Variants in AIFM2 observed in about 807,000 individuals in gnomAD.
The protein encoded by AIFM2 is ferroptosis suppressor protein 1.
A neutral mutation model predicts 35.7 loss-of-function variants in AIFM2; 38 were observed. That is an observed-to-expected ratio of 1.06 (90% CI 0.82 to 1.39). The LOEUF (loss-of-function observed/expected upper bound fraction) is 1.39. Among genes scored for constraint, AIFM2 ranks in the 40% most tolerant of loss-of-function variants. The probability of loss-of-function intolerance (pLI) is 0.00; values close to 1 mark genes in which losing one functional copy is unlikely to be tolerated. For missense variants in AIFM2, 476 were observed against 491.2 expected, an observed-to-expected ratio of 0.97 and a Z score of 0.29; for synonymous variants, 185 against 203.5, an observed-to-expected ratio of 0.91 and a Z score of 0.77.
At chr10:70,115,552 A>G (rs2072426808) in intron 7 of AIFM2, among the ~76,000 whole-genome samples, 1 of 152,260 alleles carries the variant, frequency 6.6e-6, no homozygotes, top group African/African-American at 2.4e-5. Flanking sequence ...AGATCACTTG[A>G]GGCCAGGAGC....
Position 70,113,987 on chromosome 10 carries a change from A to G in AIFM2, c.*191T>C, listed in dbSNP as rs2072404524. 1 of 693,556 alleles carries G rather than the reference A, an allele frequency of 1.4e-6. No homozygotes were observed. The highest frequency in any genetic ancestry group is 1.8e-5 in the African/African-American group (1 of 55,142). The allele number at this position is 693,556 out of a possible 1,614,324, so 43.0% of individuals were successfully genotyped here. A position where few individuals can be genotyped will look rare whatever the true frequency, so the allele number is the denominator to read the frequency against. Reference sequence around the variant, plus strand: ...CTTCCAAACCCAGAAAGTATCCTCTAAGGGGGGTATTTGTTTAATACCTCT... The same window carrying G: ...CTTCCAAACCCAGAAAGTATCCTCTGAGGGGGGTATTTGTTTAATACCTCT... On this transcript the variant is annotated 3_prime_UTR_variant, in exon 9 of 9. Coordinates refer to ENST00000307864, the MANE Select transcript of AIFM2 (RefSeq NM_032797.6).
At chr10:70,120,156 A>G (rs1431735467) in intron 5 of AIFM2, among the ~76,000 whole-genome samples, 1 of 152,260 alleles carries the variant, frequency 6.6e-6, no homozygotes, top group African/African-American at 2.4e-5. Flanking sequence ...AGAGGTAATC[A>G]AATATACATT....
Position 70,125,582 on chromosome 10 carries a change from C to T in AIFM2, c.-13-1485G>A, listed in dbSNP as rs1334654404. 3.3e-5 allele frequency among the ~76,000 whole-genome samples: 5 copies of T among 151,806 alleles called. No individual in the cohort carries two copies. The East Asian group carries it at 7.7e-4, about 24-fold the overall frequency. On this transcript the variant is annotated intron_variant, in intron 1 of 8. Transcript: ENST00000307864. Reference sequence around the variant, plus strand: ...GCAGTGAGCCGTAACTATGCCACTGCACACCAGCCTGGGCCACAGAGTGAG... The same window carrying T: ...GCAGTGAGCCGTAACTATGCCACTGTACACCAGCCTGGGCCACAGAGTGAG...
intron 7 of AIFM2, among the ~76,000 whole-genome samples, chr10:70,116,414 G>A (rs2072436273): frequency 6.6e-6 from 1 of 152,180 alleles, no homozygotes; most frequent in Non-Finnish European, 1.5e-5. Context: ...GAAGATTCTG[G>A]TCACCTTGGC....
intron 3 of AIFM2, 52 bp from the exon 4 acceptor site, chr10:70,121,263 G>C: frequency 6.8e-7 from 1 of 1,463,490 alleles, no homozygotes; most frequent in Non-Finnish European, 8.9e-7. Flanking sequence ...GATGAGGGTA[G>C]GGCAGGGCAG....
rs2072492195 is a variant in AIFM2 at position 70,120,765 on chromosome 10, G to A, written c.415-166C>T. 1.3e-5 allele frequency among the ~76,000 whole-genome samples: 2 copies of A among 152,204 alleles called. 1 individual carries two copies. Among genetic ancestry groups the A allele is most frequent in the South Asian group, 4.1e-4 (2 of 4,828 alleles). ...TTCCTCCCACCCACCTCGCAGAATT[G>A]CTGTGGAAGATTGTGGATCTAAGCC... On this transcript the variant is annotated intron_variant, in intron 4 of 8. Transcript: ENST00000307864.
intron 5 of AIFM2, among the ~76,000 whole-genome samples, chr10:70,119,178 A>G (rs1269219204): frequency 6.6e-6 from 1 of 152,220 alleles, no homozygotes; most frequent in Non-Finnish European, 1.5e-5. Context: ...ACCACGCCCT[A>G]TGTGCCCCTT....
In AIFM2 at chr10:70,117,860, G is replaced by C. The variant is rs1374032033; in HGVS notation, c.568C>G (p.Gln190Glu). 2 of 1,605,644 alleles carry C rather than the reference G, an allele frequency of 1.2e-6. No homozygotes were observed. The highest frequency in any genetic ancestry group is 1.7e-6 in the Non-Finnish European group (2 of 1,176,944). ...CGGAGGAGGATCTCCTTCACTTCCT[G>C]CCGGACGGAGGGCAGGAGCTCCTTG... ...ADKELLPSVRQEVKEILLRKG... is the reference protein window; with the variant it reads ...ADKELLPSVREEVKEILLRKG... The change falls in exon 6 of 9, where the codon CAG becomes GAG. Residue 190 changes from glutamine (Q) to glutamate (E), a missense_variant. Gln to Glu is a conservative substitution (Grantham distance 29). Coordinates refer to ENST00000307864, the MANE Select transcript of AIFM2 (RefSeq NM_032797.6). The surrounding 1 kb of genome is among the most constrained non-coding windows in gnomAD (Gnocchi z 4.7).
rs753568095 is a variant in AIFM2 at position 70,117,249 on chromosome 10, C to T, written c.617-475G>A. 4.6e-5 allele frequency among the ~76,000 whole-genome samples: 7 copies of T among 152,210 alleles called. No individual in the cohort carries two copies. The highest frequency in any genetic ancestry group is 1.0e-4 in the Non-Finnish European group (7 of 68,036). On this transcript the variant is annotated intron_variant, in intron 6 of 8. Transcript: ENST00000307864. This position sits in a 1 kb window ranked among gnomAD's most constrained non-coding sequence, Gnocchi z 4.7. Reference sequence around the variant, plus strand: ...CCAAAAGGAGGCTGAGGCAGCCATGCGGGCCCTTCACAGGACAGGTGCCTC... The same window carrying T: ...CCAAAAGGAGGCTGAGGCAGCCATGTGGGCCCTTCACAGGACAGGTGCCTC...
chr10:70,129,889 T>A (rs554051519), intron 1 of AIFM2, among the ~76,000 whole-genome samples: 1,799 of 149,336 alleles, frequency 0.012, 11 homozygotes, highest in Middle Eastern at 0.021. Flanking sequence ...CCCCATCTTT[T>A]AAAAAAAAAA....
chr10:70,114,947 G>A lies in AIFM2; in HGVS notation c.943C>T (p.Gln315Ter). 1 of 1,614,144 alleles carries A rather than the reference G, an allele frequency of 6.2e-7. No homozygotes were observed. Among genetic ancestry groups the A allele is most frequent in the Non-Finnish European group, 8.5e-7 (1 of 1,180,016 alleles). The change falls in exon 8 of 9, where the codon CAG becomes TAG. Residue 315 changes from glutamine (Q) to a stop codon, truncating the protein, a stop_gained. Coordinates refer to ENST00000307864, the MANE Select transcript of AIFM2 (RefSeq NM_032797.6). LOFTEE classifies it high-confidence loss of function. ...GGCTTGTAGGCCTGGAGAGGCCGCTGCTTCACAGAGTTGACGATGTTGGCC... is the reference window on the plus strand; with the variant it reads ...GGCTTGTAGGCCTGGAGAGGCCGCTACTTCACAGAGTTGACGATGTTGGCC... ...AVANIVNSVK[Q>*]RPLQAYKPGA...
chr10:70,113,974 GA>G lies in AIFM2; in HGVS notation c.*203del. On this transcript the variant is annotated 3_prime_UTR_variant, in exon 9 of 9. Transcript: ENST00000307864. ...ACAGCAAGCACACCTTCCAAACCCA[GA>G]AAGTATCCTCTAAGGGGGGTATTTG... is the stretch of plus-strand genomic sequence containing the variant. 1 of 654,242 alleles carries G rather than the reference GA, an allele frequency of 1.5e-6. No individual in the cohort carries two copies. The highest frequency in any genetic ancestry group is 3.2e-5 in the Admixed American group (1 of 30,772). 40.5% of individuals were successfully genotyped at this position (654,242 alleles called of 1,614,324 possible). A position where few individuals can be genotyped will look rare whatever the true frequency, so the allele number is the denominator to read the frequency against.
chr10:70,120,323 A>G (rs2072485495), intron 5 of AIFM2, among the ~76,000 whole-genome samples, 184 bp downstream of exon 5: 1 of 152,232 alleles, frequency 6.6e-6, no homozygotes, highest in African/African-American at 2.4e-5. Context: ...GTGCAGCAGG[A>G]TCCCAGCTCT....
rs1488796714 is a variant in AIFM2, at chr10:70,113,683, CAG to C, written c.*493_*494del. The C allele has an allele frequency of 6.5e-6, 1 of 153,132 alleles. No homozygotes were observed. Among genetic ancestry groups the C allele is most frequent in the Non-Finnish European group, 1.5e-5 (1 of 68,722 alleles). 9.5% of individuals were successfully genotyped at this position (153,132 alleles called of 1,614,324 possible). ...TATGGGCTCCCCGACCGTGTGATGG[CAG>C]AGATTTGGGGTGCTGGGCCTCTCTC... is the stretch of plus-strand genomic sequence containing the variant. On this transcript the variant is annotated 3_prime_UTR_variant, in exon 9 of 9. Transcript: ENST00000307864.
chr10:70,119,503 G>A (rs1290031703), intron 5 of AIFM2, among the ~76,000 whole-genome samples: 3 of 152,168 alleles, frequency 2.0e-5, no homozygotes, highest in African/African-American at 7.2e-5. Flanking sequence ...CAGAGAATTG[G>A]TCAGTGGGGG....
At chr10:70,122,880 C>A (rs1310535569) in intron 3 of AIFM2, among the ~76,000 whole-genome samples, 3 of 152,208 alleles carry the variant, frequency 2.0e-5, no homozygotes, top group Non-Finnish European at 4.4e-5. Context: ...GTAAAGGCTA[C>A]AAACAGGGCC....
intron 5 of AIFM2, among the ~76,000 whole-genome samples, chr10:70,118,869 C>G (rs956936549): frequency 5.3e-5 from 8 of 152,088 alleles, no homozygotes; most frequent in Non-Finnish European, 8.8e-5. Context: ...CTTGGATGTT[C>G]CCGGGTGATG....
At chr10:70,120,043 A>G (rs975222398) in intron 5 of AIFM2, among the ~76,000 whole-genome samples, 1 of 152,268 alleles carries the variant, frequency 6.6e-6, no homozygotes, top group Non-Finnish European at 1.5e-5. Context: ...GGGGCTGCTC[A>G]GAGCAGGGGC....
intron 1 of AIFM2, among the ~76,000 whole-genome samples, chr10:70,125,418 TAGAG>T (rs1464590341): frequency 9.2e-6 from 1 of 108,508 alleles, no homozygotes; most frequent in Non-Finnish European, 1.7e-5. Flanking sequence ...CTGGGTAACA[TAGAG>T]AGACTCTGTC....
Sources: gnomAD v4.1 joint callset for allele counts (sites outside exome capture counted in the v4.1 genomes callset) on GRCh38, gnomAD v4.1.1 for gene constraint, Gnocchi (gnomAD v3.1) non-coding constraint, MANE v1.5 for transcripts, NCBI Gene and HGNC (gene_info 2026-07-23, HGNC 2026-07-21) for gene names.